CDH13: variants seen among roughly 807,000 people sequenced by gnomAD.
CDH13 encodes the protein cadherin-13.
A neutral mutation model predicts 63.8 loss-of-function variants in CDH13; 24 were observed. That is an observed-to-expected ratio of 0.38 (90% CI 0.27 to 0.53). The LOEUF is 0.53. Ranked by LOEUF, CDH13 falls within the 20% of genes least tolerant of loss-of-function variation. CDH13 has a pLI of 0.85. For synonymous variants in CDH13, 503 were observed against 355.3 expected, an observed-to-expected ratio of 1.42 and a Z score of -4.67; for missense variants, 1,049 against 903.1, an observed-to-expected ratio of 1.16 and a Z score of -2.07.
At chr16:82,935,414 C>T (rs1044910889) in intron 2 of CDH13, among the ~76,000 whole-genome samples, 1 of 152,116 alleles carries the variant, frequency 6.6e-6, no homozygotes, top group Non-Finnish European at 1.5e-5. Flanking sequence ...AAAGCCAGAC[C>T]GTATGACATG....
At chr16:82,954,235 C>G (rs2151328057) in intron 2 of CDH13, 1 of 152,274 alleles carries the variant, frequency 6.6e-6, no homozygotes, top group East Asian at 1.9e-4. Context: ...GGGTATTGCT[C>G]TTCCGACTCC....
intron 6 of CDH13, among the ~76,000 whole-genome samples, chr16:83,351,644 G>A (rs2090953956): frequency 2.6e-5 from 4 of 152,144 alleles, no homozygotes; most frequent in African/African-American, 9.7e-5. Context: ...GATTTAAGTT[G>A]TTTTCACTTT....
chr16:83,103,605 T>C (rs944698192), intron 3 of CDH13, among the ~76,000 whole-genome samples: 1 of 152,166 alleles, frequency 6.6e-6, no homozygotes, highest in African/African-American at 2.4e-5. Flanking sequence ...GAGTGGGTGA[T>C]GGTCCAGGCT....
At chr16:83,442,370 G>T (rs1158592787) in intron 6 of CDH13, among the ~76,000 whole-genome samples, 1 of 152,156 alleles carries the variant, frequency 6.6e-6, no homozygotes, top group East Asian at 1.9e-4. Context: ...TCCATGAGCA[G>T]CTATTCCAAA....
intron 2 of CDH13, among the ~76,000 whole-genome samples, chr16:83,016,410 C>T (rs1280918609): frequency 6.6e-6 from 1 of 152,112 alleles, no homozygotes; most frequent in East Asian, 1.9e-4. Context: ...TTTTTGATTG[C>T]CAACTCTCTT....
intron 6 of CDH13, among the ~76,000 whole-genome samples, chr16:83,442,605 A>G (rs2072511470): frequency 6.6e-6 from 1 of 152,132 alleles, no homozygotes; most frequent in African/African-American, 2.4e-5. Context: ...CAGCCTTTCT[A>G]TGACAAGAAG....
At chr16:83,627,169 A>C (rs1910387514) in intron 8 of CDH13, among the ~76,000 whole-genome samples, 1 of 151,074 alleles carries the variant, frequency 6.6e-6, no homozygotes, top group Admixed American at 6.6e-5. Context: ...CTGCACCTGT[A>C]GTCTCAGCTA....
chr16:83,191,412 A>G (rs878865683), intron 4 of CDH13, among the ~76,000 whole-genome samples: 8 of 142,068 alleles, frequency 5.6e-5, no homozygotes, highest in Admixed American at 1.5e-4. Context: ...AGTTTATTTG[A>G]TGATTGTATT....
chr16:83,384,984 C>G (rs549186033), intron 6 of CDH13, among the ~76,000 whole-genome samples: 4 of 152,178 alleles, frequency 2.6e-5, no homozygotes, highest in Non-Finnish European at 5.9e-5. Flanking sequence ...ATAAGCTCTC[C>G]TGGCCCTCTT....
intron 1 of CDH13, among the ~76,000 whole-genome samples, chr16:82,757,667 CAG>C (rs1597487222): frequency 1.1e-5 from 1 of 87,552 alleles, no homozygotes; most frequent in Non-Finnish European, 2.8e-5. Flanking sequence ...TTTTTGGGGA[CAG>C]AGTCTCTCTC....
At chr16:83,572,233 T>C (rs13335073) in intron 7 of CDH13, among the ~76,000 whole-genome samples, 3,919 of 150,342 alleles carry the variant, frequency 0.026, 157 homozygotes, top group African/African-American at 0.09. Flanking sequence ...GTTGCCCAGG[T>C]TGGAGTGCAA....
At chr16:83,094,350 C>T (rs780382002) in intron 3 of CDH13, among the ~76,000 whole-genome samples, 1 of 152,132 alleles carries the variant, frequency 6.6e-6, no homozygotes, top group Non-Finnish European at 1.5e-5. Flanking sequence ...GAGTAACCCA[C>T]ATTATTTTCA....
chr16:82,786,215 G>A (rs138323415), intron 1 of CDH13, among the ~76,000 whole-genome samples: 1 of 152,204 alleles, frequency 6.6e-6, no homozygotes, highest in African/African-American at 2.4e-5. Flanking sequence ...GCAAAGAATT[G>A]CACATACTGA....
chr16:83,361,291 C>T (rs2091156489), intron 6 of CDH13, among the ~76,000 whole-genome samples: 1 of 152,226 alleles, frequency 6.6e-6, no homozygotes, highest in Non-Finnish European at 1.5e-5. Context: ...TTGTTTTTCG[C>T]TTGTTGAATT....
chr16:83,054,010 G>A (rs996686793), intron 3 of CDH13, among the ~76,000 whole-genome samples: 1 of 152,146 alleles, frequency 6.6e-6, no homozygotes, highest in Non-Finnish European at 1.5e-5. Context: ...GTTTAGATAT[G>A]TTTAAATACA....
chr16:82,715,645 C>A (rs1455250186), intron 1 of CDH13, among the ~76,000 whole-genome samples: 1 of 152,122 alleles, frequency 6.6e-6, no homozygotes, highest in Non-Finnish European at 1.5e-5. Context: ...ACATCCCCAC[C>A]GTCTGTGCCC....
rs753015472 is a variant in CDH13, at chr16:83,783,364, A to C, written c.2026A>C (p.Arg676=). 2 of 1,613,478 alleles carry C rather than the reference A, an allele frequency of 1.2e-6. No individual in the cohort carries two copies. The highest frequency in any genetic ancestry group is 1.1e-5 in the South Asian group (1 of 91,078). ...KPPMTNITDL[R]VQVCSCRNSK... ...ACCCATGACGAATATCACAGATCTC[A>C]GGGTACAAGTGTGCTCCTGCAGGAA... Residue 676 remains arginine (R), a synonymous_variant, in exon 13 of 14, where the codon AGG becomes CGG. Coordinates refer to ENST00000567109, the MANE Select transcript of CDH13 (RefSeq NM_001257.5).
rs543268878 is a variant in CDH13, at chr16:83,435,156, C to G, written c.782-51321C>G. ...CCACCTCCCCAGTTCAAGTGATTCT[C>G]CTGCCTCAGCCACCTGAGTAGCTGG... On this transcript the variant is annotated intron_variant, in intron 6 of 13. Coordinates refer to ENST00000567109, the MANE Select transcript of CDH13 (RefSeq NM_001257.5). Among the ~76,000 whole-genome samples the G allele has an allele frequency of 4.0e-5, 6 of 151,884 alleles. No individual in the cohort carries two copies. The East Asian group carries it at 9.7e-4, about 25-fold the overall frequency.
chr16:83,268,091 T>G (rs1244350740), intron 5 of CDH13, among the ~76,000 whole-genome samples: 1 of 152,168 alleles, frequency 6.6e-6, no homozygotes, highest in Non-Finnish European at 1.5e-5. Flanking sequence ...CACCTGCCCC[T>G]ATGTGCACCA....
Sources: gnomAD v4.1 joint callset for allele counts (sites outside exome capture counted in the v4.1 genomes callset) on GRCh38, gnomAD v4.1.1 for gene constraint, MANE v1.5 for transcripts, NCBI Gene and HGNC (gene_info 2026-07-23, HGNC 2026-07-21) for gene names.